ASIP: variants seen among roughly 807,000 people sequenced by gnomAD.
The protein encoded by ASIP is agouti-signaling protein.
Under a neutral mutation model 10.3 loss-of-function variants are expected in ASIP, and 11 were observed. The ratio of observed to expected loss-of-function variants is 1.07; its 90% CI spans 0.68 to 1.78. ASIP has a LOEUF of 1.78. Among genes scored for constraint, ASIP ranks in the 40% most tolerant of loss-of-function variants. The probability of loss-of-function intolerance (pLI) is 0.00; values close to 1 mark genes in which losing one functional copy is unlikely to be tolerated. For synonymous variants in ASIP, 70 were observed against 70.8 expected, an observed-to-expected ratio of 0.99 and a Z score of 0.06; for missense variants, 180 against 169.2, an observed-to-expected ratio of 1.06 and a Z score of -0.35.
At chr20:34,190,208 G>A (rs533735946), upstream of ASIP, among the ~76,000 whole-genome samples, 86 of 152,276 alleles carry the variant, frequency 5.6e-4, 2 homozygotes, top group South Asian at 0.015. Flanking sequence ...CTGCCTGTCC[G>A]ATAGATTGGA....
intron 1 of ASIP, among the ~76,000 whole-genome samples, chr20:34,203,599 G>T (rs1209378981): frequency 1.3e-5 from 2 of 151,894 alleles, no homozygotes. Flanking sequence ...GTTTCGCCAC[G>T]TTGGCCTGGC....
intron 1 of ASIP, among the ~76,000 whole-genome samples, chr20:34,199,326 T>C (rs1316661651): frequency 6.6e-6 from 1 of 152,066 alleles, no homozygotes; most frequent in African/African-American, 2.4e-5. Context: ...AACATATGAG[T>C]GCATTTCTAT....
Position 34,269,065 on chromosome 20 carries a change from C to G in ASIP, c.297C>G (p.Ser99Arg), listed in dbSNP as rs759460072. The change falls in exon 4 of 4, where the codon AGC becomes AGG. Residue 99 changes from serine (S) to arginine (R), a missense_variant. Coordinates refer to ENST00000374954, the MANE Select transcript of ASIP (RefSeq NM_001672.3). ...LSAPCVATRNSCKPPAPACCD... is the reference protein window; with the variant it reads ...LSAPCVATRNRCKPPAPACCD... ...CGCCCTGCGTGGCCACCCGCAACAGCTGCAAGCCGCCGGCACCCGCCTGCT... is the reference window on the plus strand; with the variant it reads ...CGCCCTGCGTGGCCACCCGCAACAGGTGCAAGCCGCCGGCACCCGCCTGCT... 2 of 1,590,958 alleles carry G rather than the reference C, an allele frequency of 1.3e-6. No individual in the cohort carries two copies. Among genetic ancestry groups the G allele is most frequent in the East Asian group, 4.6e-5 (2 of 43,352 alleles).
intron 1 of ASIP, among the ~76,000 whole-genome samples, chr20:34,226,662 T>A (rs897554259): frequency 2.6e-5 from 4 of 152,126 alleles, no homozygotes; most frequent in South Asian, 4.1e-4. Flanking sequence ...CCTGATTTTT[T>A]AAAAAGTCTT....
chr20:34,244,151 T>C (rs1387219770), intron 1 of ASIP, among the ~76,000 whole-genome samples: 2 of 152,236 alleles, frequency 1.3e-5, no homozygotes, highest in Admixed American at 6.5e-5. Flanking sequence ...CTAAGTTTCT[T>C]AGAAGTGTCC....
At chr20:34,195,611 G>A (rs2122529294) in intron 1 of ASIP, among the ~76,000 whole-genome samples, 1 of 152,306 alleles carries the variant, frequency 6.6e-6, no homozygotes, top group Non-Finnish European at 1.5e-5. Flanking sequence ...TTAGACAGAT[G>A]TAAGAAAGCT....
the ASIP span, among the ~76,000 whole-genome samples, chr20:34,189,476 A>G: frequency 2.0e-5 from 3 of 151,956 alleles, no homozygotes; most frequent in Non-Finnish European, 2.9e-5. Flanking sequence ...TCCCAACCTC[A>G]TGTGATCCGC....
At chr20:34,194,054 C>A (rs2034839903), upstream of ASIP, among the ~76,000 whole-genome samples, 2 of 152,096 alleles carry the variant, frequency 1.3e-5, no homozygotes, top group African/African-American at 4.8e-5. Context: ...ATTTAATGTC[C>A]CCTTTACCCC....
At chr20:34,259,020 G>A (rs906815869) in intron 1 of ASIP, among the ~76,000 whole-genome samples, 7 of 148,292 alleles carry the variant, frequency 4.7e-5, no homozygotes, top group Non-Finnish European at 1.0e-4. Context: ...CTGGGTAATA[G>A]AGTGAGCCTT....
intron 1 of ASIP, among the ~76,000 whole-genome samples, chr20:34,216,185 GGCAA>G (rs1008974058): frequency 2.6e-5 from 4 of 152,254 alleles, no homozygotes; most frequent in African/African-American, 7.2e-5. Context: ...TTGAGTGGCA[GGCAA>G]GCAAGCAAGC....
intron 1 of ASIP, among the ~76,000 whole-genome samples, chr20:34,243,064 C>T (rs540147444): frequency 1.3e-5 from 2 of 152,342 alleles, no homozygotes; most frequent in African/African-American, 4.8e-5. Flanking sequence ...GCATTGTATT[C>T]CTTGTACACT....
At chr20:34,190,214 T>C (rs1347099976), upstream of ASIP, among the ~76,000 whole-genome samples, 1 of 152,220 alleles carries the variant, frequency 6.6e-6, no homozygotes, top group Non-Finnish European at 1.5e-5. Context: ...GTCCGATAGA[T>C]TGGATTTCTT....
intron 1 of ASIP, chr20:34,215,276 G>A (rs7347473): frequency 6.5e-7 from 1 of 1,540,460 alleles, no homozygotes; most frequent in Admixed American, 1.7e-5. Flanking sequence ...ACTACTTCAA[G>A]GCACTGACAC....
intron 1 of ASIP, among the ~76,000 whole-genome samples, chr20:34,208,239 G>A (rs924991799): frequency 2.0e-5 from 3 of 152,038 alleles, no homozygotes; most frequent in African/African-American, 2.4e-5. Flanking sequence ...TGATGCCTAC[G>A]GCTTTTTTCT....
intron 1 of ASIP, among the ~76,000 whole-genome samples, chr20:34,196,323 G>A (rs1200027892): frequency 3.3e-5 from 5 of 151,612 alleles, no homozygotes; most frequent in Non-Finnish European, 5.9e-5. Flanking sequence ...ACAGGCGCCC[G>A]CCACCACGCC....
At chr20:34,237,271 A>C (rs2035223354), upstream of ASIP, among the ~76,000 whole-genome samples, 1 of 152,270 alleles carries the variant, frequency 6.6e-6, no homozygotes, top group Admixed American at 6.5e-5. Flanking sequence ...TGCCAAAAAA[A>C]ACCTCCTAGA....
At chr20:34,235,829 G>GAA (rs1568755842) in intron 1 of ASIP, among the ~76,000 whole-genome samples, 1 of 62,648 alleles carries the variant, frequency 1.6e-5, no homozygotes, top group Non-Finnish European at 2.5e-5. Flanking sequence ...AAGAAAGAAA[G>GAA]AAAGAAAGAA....
chr20:34,232,028 C>T (rs2122579918), intron 1 of ASIP, among the ~76,000 whole-genome samples: 1 of 152,320 alleles, frequency 6.6e-6, no homozygotes, highest in South Asian at 2.1e-4. Context: ...GCAGCATGAG[C>T]ATTAACTTTT....
intron 1 of ASIP, among the ~76,000 whole-genome samples, chr20:34,260,021 C>G (rs1296056404): frequency 1.3e-5 from 2 of 151,934 alleles, no homozygotes; most frequent in Non-Finnish European, 2.9e-5. Flanking sequence ...ACAACTCTGC[C>G]CAGGCCTGGG....
Sources: allele counts gnomAD v4.1 joint callset (sites outside exome capture counted in the v4.1 genomes callset), GRCh38; gene constraint gnomAD v4.1.1; transcripts MANE v1.5; gene names NCBI Gene and HGNC (gene_info 2026-07-23, HGNC 2026-07-21).